The following ZNF682 variants were observed in gnomAD, a reference collection of about 807,000 sequenced individuals.
ZNF682 encodes the protein zinc finger protein 682.
Under a neutral mutation model 36.5 loss-of-function variants are expected in ZNF682, and 29 were observed. The observed-to-expected ratio is 0.80, with a 90% CI of 0.59 to 1.08. ZNF682 has a LOEUF of 1.08. Ranked by LOEUF, ZNF682 falls within the 50% of genes least tolerant of loss-of-function variation. The pLI is 0.00. For missense variants in ZNF682, 561 were observed against 579.7 expected (o/e 0.97, Z 0.33); for synonymous variants, 180 against 197.0 (o/e 0.91, Z 0.72).
rs919404365 is a variant in ZNF682 at position 20,033,066 on chromosome 19, G to T, written c.3+6277C>A. On this transcript the variant is annotated intron_variant, in intron 1 of 3. Coordinates refer to ENST00000397165, the MANE Select transcript of ZNF682 (RefSeq NM_033196.3). ...AGATCACCTGAGATCAGGAGTTCGA[G>T]ACAAGCCTGGCCAACGTGGTGAAAC... Among the ~76,000 whole-genome samples the T allele has an allele frequency of 2.0e-5, 3 of 152,164 alleles. 1 individual carries two copies. The South Asian group carries it at 6.2e-4, about 32-fold the overall frequency.
At position 20,006,604 on chromosome 19, in the gene ZNF682, G is replaced by A; in HGVS notation, c.898C>T (p.Leu300Phe). 1 of 1,614,160 alleles carries A rather than the reference G, an allele frequency of 6.2e-7. No individual in the cohort carries two copies. The highest frequency in any genetic ancestry group is 8.5e-7 in the Non-Finnish European group (1 of 1,180,038). ...GTGTGAATTGTCTTATGTTTGGTGAGATGTGAGTGCCGGTTAAACGCTCTG... is the reference window on the plus strand; with the variant it reads ...GTGTGAATTGTCTTATGTTTGGTGAAATGTGAGTGCCGGTTAAACGCTCTG... The part of the protein sequence containing the change: ...CGRAFNRHSH[L>F]TKHKTIHTGK... Residue 300 changes from leucine to phenylalanine, a missense_variant, in exon 4 of 4, where the codon CTC becomes TTC. By Grantham distance (22) the Leu-to-Phe change is conservative (BLOSUM62 0). Transcript: ENST00000397165.
intron 1 of ZNF682, among the ~76,000 whole-genome samples, chr19:20,030,001 A>C (rs1484603496): frequency 6.6e-6 from 1 of 152,128 alleles, no homozygotes; most frequent in African/African-American, 2.4e-5. Context: ...AGGCCTCAGA[A>C]GAGGTGAAAC....
chr19:20,009,948 A>G (rs1201201461), intron 3 of ZNF682, among the ~76,000 whole-genome samples: 1 of 152,050 alleles, frequency 6.6e-6, no homozygotes, highest in Non-Finnish European at 1.5e-5. Context: ...TGAGCCCTGG[A>G]GGCAGAGGTT....
rs142290008 is a variant in ZNF682, at chr19:20,032,534, A to C, written c.3+6809T>G. Among the ~76,000 whole-genome samples the C allele has an allele frequency of 7.9e-4, 120 of 152,320 alleles. 3 individuals are homozygous for C. The East Asian group carries it at 0.019, about 24-fold the overall frequency. ...ATTGTGGGTTGTGACTTGAAGCCCA[A>C]GAGGGAAAGACCCTCTAGGGTGAAG... On this transcript the variant is annotated intron_variant, in intron 1 of 3. Transcript: ENST00000397165.
At position 20,006,774 on chromosome 19, in the gene ZNF682, C is replaced by T; in HGVS notation, c.728G>A (p.Ser243Asn). 6.2e-7 allele frequency: 1 copy of T among 1,609,916 alleles called. No individual in the cohort carries two copies. The highest frequency in any genetic ancestry group is 8.5e-7 in the Non-Finnish European group (1 of 1,178,570). ...ATGGATTCTCTTATGTTTAGTAAGA[C>T]TCGAGCACCAGTTAAAAGCTTTGCC... ...ECGKAFNWCS[S>N]LTKHKRIHTG... Residue 243 changes from serine (S) to asparagine (N), a missense_variant, in exon 4 of 4, where the codon AGT (serine) becomes AAT (asparagine). Coordinates refer to ENST00000397165, the MANE Select transcript of ZNF682 (RefSeq NM_033196.3).
chr19:20,026,632 T>G (rs1184117108), intron 1 of ZNF682, among the ~76,000 whole-genome samples: 2 of 151,932 alleles, frequency 1.3e-5, no homozygotes, highest in Non-Finnish European at 2.9e-5. Context: ...ACCTGGCTAA[T>G]TTTTTGGGTT....
At chr19:20,000,595 C>T (rs1463402065), downstream of ZNF682, among the ~76,000 whole-genome samples, 1 of 152,178 alleles carries the variant, frequency 6.6e-6, no homozygotes, top group Non-Finnish European at 1.5e-5. Context: ...GTGGGTCTGT[C>T]ATTTTCATAC....
intron 2 of ZNF682, 108 bp from the exon 3 acceptor site, chr19:20,023,207 T>C: frequency 9.6e-7 from 1 of 1,046,976 alleles, no homozygotes; most frequent in Non-Finnish European, 1.4e-6. Flanking sequence ...TTCTAGAAAA[T>C]TAATAATAAG....
chr19:20,018,380 C>T (rs372880834), intron 3 of ZNF682, among the ~76,000 whole-genome samples: 6 of 152,082 alleles, frequency 3.9e-5, no homozygotes, highest in Non-Finnish European at 7.4e-5. Context: ...AGGCGTGAGC[C>T]ACCGCGCCCA....
chr19:20,012,861 A>G (rs1488775580), intron 3 of ZNF682, among the ~76,000 whole-genome samples: 2 of 152,088 alleles, frequency 1.3e-5, no homozygotes, highest in Admixed American at 6.6e-5. Context: ...TTCTCAAAAG[A>G]CATAAAAGCA....
In ZNF682 at chr19:20,024,362, GA is replaced by G. The variant is rs1403721390; in HGVS notation, c.17del (p.Phe6SerfsTer4). 6.2e-7 allele frequency: 1 copy of G among 1,610,896 alleles called. No homozygotes were observed. The highest frequency in any genetic ancestry group is 1.3e-5 in the African/African-American group (1 of 74,716). MELLTFRDVTIEFSLE... is the reference protein window; with the variant it reads MELLTXRDVTIEFSLE... ...GAGAGAATTCTATGGTCACATCCCT[GA>G]ATGTCAACAGTTCCTGAAAAACAAA... On this transcript the variant is annotated frameshift_variant, in exon 2 of 4. Transcript: ENST00000397165. LOFTEE classifies it high-confidence loss of function.
intron 1 of ZNF682, among the ~76,000 whole-genome samples, chr19:20,029,917 G>A (rs2088465569): frequency 6.6e-6 from 1 of 152,182 alleles, no homozygotes; most frequent in African/African-American, 2.4e-5. Context: ...CTCTGGAGAG[G>A]CAGCAGGAGC....
intron 3 of ZNF682, among the ~76,000 whole-genome samples, chr19:20,014,544 G>A (rs2088318052): frequency 6.6e-6 from 1 of 151,960 alleles, no homozygotes; most frequent in African/African-American, 2.4e-5. Flanking sequence ...GGCCCAGGTG[G>A]GCGGATCATG....
At position 20,005,735 on chromosome 19, in the gene ZNF682, T is replaced by C. The variant is rs2088208311; in HGVS notation, c.*270A>G. On this transcript the variant is annotated 3_prime_UTR_variant, in exon 4 of 4. Transcript: ENST00000397165. The stretch of plus-strand genomic sequence containing the variant: ...TGTAATGTGTATCATTACACTTACA[T>C]TGCTTTTATCTAGCACAAAACCTCT... The C allele has an allele frequency of 2.3e-6, 1 of 428,592 alleles. No individual in the cohort carries two copies. 26.5% of individuals were successfully genotyped at this position (428,592 alleles called of 1,614,324 possible). A position where few individuals can be genotyped will look rare whatever the true frequency, so the allele number is the denominator to read the frequency against.
chr19:20,014,317 C>A (rs1012381792), intron 3 of ZNF682, among the ~76,000 whole-genome samples: 3 of 152,116 alleles, frequency 2.0e-5, no homozygotes, highest in Admixed American at 1.3e-4. Flanking sequence ...CAGATATTAT[C>A]TTTCATGTAT....
At chr19:20,036,295 T>A (rs1448768657) in intron 1 of ZNF682, among the ~76,000 whole-genome samples, 1 of 152,102 alleles carries the variant, frequency 6.6e-6, no homozygotes, top group Non-Finnish European at 1.5e-5. Flanking sequence ...CCCTTTAGCT[T>A]TCTGGATTGC....
At chr19:20,007,358 T>C in intron 3 of ZNF682, 83 bp from the exon 4 acceptor site, 1 of 1,306,564 alleles carries the variant, frequency 7.7e-7, no homozygotes, top group African/African-American at 1.5e-5. Flanking sequence ...TACAGAAAAT[T>C]AAGAAAAGGA....
At chr19:20,012,722 C>T (rs1484790464) in intron 3 of ZNF682, among the ~76,000 whole-genome samples, 5 of 144,420 alleles carry the variant, frequency 3.5e-5, no homozygotes, top group African/African-American at 1.3e-4. Context: ...GAACCGAGAT[C>T]GCGCCACTGC....
At chr19:20,037,223 C>T (rs149655939) in intron 1 of ZNF682, among the ~76,000 whole-genome samples, 1 of 152,108 alleles carries the variant, frequency 6.6e-6, no homozygotes, top group Admixed American at 6.6e-5. Context: ...TGTGGGGGAA[C>T]TAAAAGGCAA....
Sources: allele counts gnomAD v4.1 joint callset (sites outside exome capture counted in the v4.1 genomes callset), GRCh38; gene constraint gnomAD v4.1.1; transcripts MANE v1.5; gene names NCBI Gene and HGNC (gene_info 2026-07-23, HGNC 2026-07-21).